Variants in GRM8 observed in about 807,000 individuals in gnomAD.
GRM8 encodes the protein glutamate metabotropic receptor 8.
In GRM8, 47 loss-of-function variants were observed where a neutral mutation model predicts 87.2. The ratio of observed to expected loss-of-function variants is 0.54; its 90% CI spans 0.43 to 0.69. GRM8 has a LOEUF of 0.69. Ranked by LOEUF, GRM8 falls within the 30% of genes least tolerant of loss-of-function variation. The pLI is 0.00. For missense variants in GRM8, 1,019 were observed against 1,139.2 expected, an observed-to-expected ratio of 0.89 and a Z score of 1.52; for synonymous variants, 396 against 404.5, an observed-to-expected ratio of 0.98 and a Z score of 0.25.
intron 6 of GRM8, among the ~76,000 whole-genome samples, chr7:126,786,817 C>A (rs1430479670): frequency 1.3e-5 from 2 of 152,146 alleles, no homozygotes; most frequent in African/African-American, 4.8e-5. Flanking sequence ...AACTTTTTGT[C>A]CATCAGCTGG....
At chr7:126,578,843 G>GA (rs1354799904) in intron 8 of GRM8, among the ~76,000 whole-genome samples, 7 of 150,422 alleles carry the variant, frequency 4.7e-5, no homozygotes, top group South Asian at 2.1e-4. Context: ...ACTTAAAGAG[G>GA]AAAAAAAAAG....
At chr7:126,797,763 C>A (rs1465802885) in intron 6 of GRM8, among the ~76,000 whole-genome samples, 5 of 152,044 alleles carry the variant, frequency 3.3e-5, no homozygotes. Context: ...AAATACTATT[C>A]TAAAATCTGT....
intron 3 of GRM8, among the ~76,000 whole-genome samples, chr7:127,045,951 G>A (rs1205420303): frequency 6.6e-6 from 1 of 152,114 alleles, no homozygotes; most frequent in Non-Finnish European, 1.5e-5. Flanking sequence ...TATTTAATTG[G>A]AATTTCACAA....
intron 3 of GRM8, among the ~76,000 whole-genome samples, chr7:126,982,285 C>A (rs1811618262): frequency 6.6e-6 from 1 of 152,176 alleles, no homozygotes; most frequent in Non-Finnish European, 1.5e-5. Context: ...GTCTGCCTTT[C>A]CCAGCCCACT....
intron 7 of GRM8, among the ~76,000 whole-genome samples, chr7:126,726,312 T>G (rs1294349428): frequency 6.6e-6 from 1 of 151,766 alleles, no homozygotes; most frequent in Non-Finnish European, 1.5e-5. Context: ...GGCAAGCCCC[T>G]ACTTCAGTGG....
At chr7:126,945,480 C>T (rs1807438992) in intron 3 of GRM8, among the ~76,000 whole-genome samples, 1 of 152,136 alleles carries the variant, frequency 6.6e-6, no homozygotes, top group East Asian at 1.9e-4. Context: ...GAAAATTCCA[C>T]ACCTGACATA....
At chr7:126,796,421 G>A (rs1402349420) in intron 6 of GRM8, among the ~76,000 whole-genome samples, 1 of 152,058 alleles carries the variant, frequency 6.6e-6, no homozygotes, top group African/African-American at 2.4e-5. Flanking sequence ...TCTTTAAAAT[G>A]TGGTGTTTAC....
chr7:126,570,538 A>T lies in GRM8; in HGVS notation c.1495-36651T>A, dbSNP rs61758766. 3.2e-3 allele frequency among the ~76,000 whole-genome samples: 492 copies of T among 152,346 alleles called. 3 individuals are homozygous for T. Among genetic ancestry groups the T allele is most frequent in the African/African-American group, 0.011 (450 of 41,584 alleles). ...CCCACTGACAAGAAGTCTCTAAAGAAGTTTTTATAAGTGGTAACAATGAAT... is the reference window on the plus strand; with the variant it reads ...CCCACTGACAAGAAGTCTCTAAAGATGTTTTTATAAGTGGTAACAATGAAT... On this transcript the variant is annotated intron_variant, in intron 8 of 10. Coordinates refer to ENST00000339582, the MANE Select transcript of GRM8 (RefSeq NM_000845.3).
At chr7:126,766,161 T>A (rs1272116641) in intron 7 of GRM8, among the ~76,000 whole-genome samples, 1 of 152,116 alleles carries the variant, frequency 6.6e-6, no homozygotes, top group African/African-American at 2.4e-5. Context: ...TTTAAACCAT[T>A]GCTTAAGTAA....
intron 8 of GRM8, among the ~76,000 whole-genome samples, chr7:126,534,361 G>A (rs1439965552): frequency 6.6e-6 from 1 of 152,128 alleles, no homozygotes; most frequent in Non-Finnish European, 1.5e-5. Context: ...CATCAATTTT[G>A]AAAGGAAATG....
At chr7:126,656,464 G>A (rs143382285) in intron 7 of GRM8, among the ~76,000 whole-genome samples, 2,635 of 152,192 alleles carry the variant, frequency 0.017, 87 homozygotes, top group African/African-American at 0.06. Flanking sequence ...GGATCGCAAG[G>A]TCAGGAGATC....
intron 6 of GRM8, among the ~76,000 whole-genome samples, chr7:126,892,868 T>A (rs539385580): frequency 6.6e-6 from 1 of 152,160 alleles, no homozygotes; most frequent in Non-Finnish European, 1.5e-5. Flanking sequence ...GGTTTTGATT[T>A]GCATTTCTCT....
chr7:127,226,986 A>T (rs17866742), intron 2 of GRM8, among the ~76,000 whole-genome samples: 4,266 of 152,362 alleles, frequency 0.028, 68 homozygotes, highest in South Asian at 0.075. Context: ...CATGGAAACA[A>T]AAGGTATAAA....
intron 6 of GRM8, among the ~76,000 whole-genome samples, chr7:126,901,186 G>T (rs141910541): frequency 6.6e-6 from 1 of 151,914 alleles, no homozygotes; most frequent in African/African-American, 2.4e-5. Flanking sequence ...TTACTCTGGC[G>T]CTAGAGCTTG....
chr7:126,933,596 TAGG>T (rs1805984657), intron 3 of GRM8, among the ~76,000 whole-genome samples: 1 of 152,170 alleles, frequency 6.6e-6, no homozygotes, highest in South Asian at 2.1e-4. Flanking sequence ...GCTGATAATG[TAGG>T]AGGACAGTGG....
chr7:126,762,941 C>G lies in GRM8; in HGVS notation c.1357+6924G>C, dbSNP rs549087722. On this transcript the variant is annotated intron_variant, in intron 7 of 10. Transcript: ENST00000339582. ...AAATTTGATAAGGGGAAAACAGTCTCTCATTGATGAATTGGACTTTCTTTG... is the reference window on the plus strand; with the variant it reads ...AAATTTGATAAGGGGAAAACAGTCTGTCATTGATGAATTGGACTTTCTTTG... Among the ~76,000 whole-genome samples the G allele has an allele frequency of 4.5e-4, 68 of 151,910 alleles. 1 individual carries two copies. The highest frequency in any genetic ancestry group is 1.1e-3 in the Admixed American group (17 of 15,244).
intron 1 of GRM8, among the ~76,000 whole-genome samples, chr7:127,251,826 C>T (rs1798893068): frequency 6.6e-6 from 1 of 152,118 alleles, no homozygotes; most frequent in Non-Finnish European, 1.5e-5. Flanking sequence ...TTTCTCCATC[C>T]CCCCAACCCC....
rs145801581 is a variant in GRM8 at position 127,039,425 on chromosome 7, G to C, written c.727+67071C>G. Reference sequence around the variant, plus strand: ...AACCCTGCCAACGCCTTGATCTCAGGCTTTTAACATCCAGAATTTTGGGAA... The same window carrying C: ...AACCCTGCCAACGCCTTGATCTCAGCCTTTTAACATCCAGAATTTTGGGAA... On this transcript the variant is annotated intron_variant, in intron 3 of 10. Transcript: ENST00000339582. Among the ~76,000 whole-genome samples, 586 of 152,118 alleles carry C rather than the reference G, an allele frequency of 3.9e-3. 3 individuals carry two copies. The highest frequency in any genetic ancestry group is 0.013 in the African/African-American group (556 of 41,542).
chr7:126,718,285 T>C (rs1057207473), intron 7 of GRM8, among the ~76,000 whole-genome samples: 1 of 152,038 alleles, frequency 6.6e-6, no homozygotes, highest in Admixed American at 6.6e-5. Context: ...TTTACTCAGT[T>C]TTCCAGAGGG....
Sources: gnomAD v4.1 joint callset for allele counts (sites outside exome capture counted in the v4.1 genomes callset) on GRCh38, gnomAD v4.1.1 for gene constraint, MANE v1.5 for transcripts, NCBI Gene and HGNC (gene_info 2026-07-23, HGNC 2026-07-21) for gene names.